Variants in CNOT2 observed in about 807,000 individuals in gnomAD.
CNOT2 encodes the protein CC chemokine receptor 4-negative regulator of transcription 2.
A neutral mutation model predicts 72.1 loss-of-function variants in CNOT2; 7 were observed. The observed-to-expected ratio is 0.10, with a 90% CI of 0.06 to 0.18. CNOT2 has a LOEUF of 0.18. CNOT2 is among the 10% of genes least tolerant of loss of function. CNOT2 has a pLI of 1.00. For missense variants in CNOT2, 345 were observed against 660.3 expected (o/e 0.52, Z 5.23); for synonymous variants, 196 against 225.6 (o/e 0.87, Z 1.17).
chr12:70,278,157 C>T lies in CNOT2; in HGVS notation c.-70C>T. ...AGGGAGACGTGGTGGGCGGTCCTTC[C>T]TGTGACACGACCCTTGAGTGACAGT... On this transcript the variant is annotated 5_prime_UTR_variant, in exon 2 of 16. Transcript: ENST00000229195. 1.7e-6 allele frequency: 2 copies of T among 1,204,542 alleles called. No homozygotes were observed. The highest frequency in any genetic ancestry group is 4.8e-5 in the East Asian group (2 of 41,698). 74.6% of individuals were successfully genotyped at this position (1,204,542 alleles called of 1,614,324 possible).
intron 2 of CNOT2, among the ~76,000 whole-genome samples, chr12:70,308,556 TC>T (rs1555199515): frequency 2.4e-5 from 1 of 41,150 alleles, no homozygotes; most frequent in Non-Finnish European, 5.3e-5. Context: ...TGGTATATTT[TC>T]TCTCTCTCTC....
chr12:70,332,068 G>A (rs1880036049), intron 6 of CNOT2, among the ~76,000 whole-genome samples: 1 of 151,304 alleles, frequency 6.6e-6, no homozygotes, highest in African/African-American at 2.4e-5. Flanking sequence ...ATTTAAAATT[G>A]GGGACACCAT....
chr12:70,338,980 A>C (rs1275255573), intron 11 of CNOT2, among the ~76,000 whole-genome samples, 158 bp downstream of exon 11: 1 of 136,954 alleles, frequency 7.3e-6, no homozygotes, highest in South Asian at 2.3e-4. Context: ...GATCACTGTC[A>C]CTCTGCAGTA....
At chr12:70,306,528 C>T (rs1297470381) in intron 2 of CNOT2, among the ~76,000 whole-genome samples, 8 of 152,198 alleles carry the variant, frequency 5.3e-5, no homozygotes, top group African/African-American at 1.7e-4. Context: ...CTTGATTAAA[C>T]GTTTTAGATC....
intron 14 of CNOT2, 95 bp downstream of exon 14, chr12:70,344,323 C>T (rs1270479719): frequency 2.8e-6 from 2 of 719,014 alleles, no homozygotes; most frequent in Non-Finnish European, 4.8e-6. Context: ...TTAAATGGAA[C>T]TATTTCTCCA....
chr12:70,255,719 CAT>C (rs1310973918), intron 1 of CNOT2, among the ~76,000 whole-genome samples: 4 of 152,112 alleles, frequency 2.6e-5, no homozygotes, highest in Admixed American at 1.3e-4. Context: ...CTTCTAAAAA[CAT>C]ATACTGAAAC....
chr12:70,307,509 G>T (rs957247103), intron 2 of CNOT2, among the ~76,000 whole-genome samples: 6 of 152,048 alleles, frequency 3.9e-5, no homozygotes, highest in African/African-American at 1.4e-4. Flanking sequence ...GACCACCGTT[G>T]TATATATGGT....
chr12:70,341,943 AAC>A, intron 11 of CNOT2, 162 bp from the exon 12 acceptor site: 2 of 634,130 alleles, frequency 3.2e-6, no homozygotes, highest in Admixed American at 5.5e-5. Context: ...CACACACACA[AAC>A]ACACACAGTC....
At chr12:70,304,782 C>A (rs915171921) in intron 2 of CNOT2, among the ~76,000 whole-genome samples, 1 of 152,244 alleles carries the variant, frequency 6.6e-6, no homozygotes, top group Admixed American at 6.5e-5. Context: ...GTGGAGCCTA[C>A]AGAGGCAGGC....
chr12:70,262,745 C>T (rs1209362232), intron 1 of CNOT2, among the ~76,000 whole-genome samples: 3 of 150,526 alleles, frequency 2.0e-5, no homozygotes, highest in African/African-American at 7.4e-5. Flanking sequence ...GTGATCTCGG[C>T]TCACCGCAAC....
chr12:70,317,296 G>A (rs1314272650), intron 3 of CNOT2, among the ~76,000 whole-genome samples: 13 of 152,050 alleles, frequency 8.5e-5, no homozygotes, highest in Admixed American at 5.2e-4. Context: ...GGATACGTGC[G>A]CACAACGTGC....
At chr12:70,335,337 G>C in intron 7 of CNOT2, 101 bp from the exon 8 acceptor site, 1 of 844,466 alleles carries the variant, frequency 1.2e-6, no homozygotes, top group Middle Eastern at 2.4e-4. Flanking sequence ...CATTATTTAG[G>C]AAGAAGGCGC....
chr12:70,344,497 C>CAGAT, intron 14 of CNOT2: 1 of 330,910 alleles, frequency 3.0e-6, no homozygotes, highest in Non-Finnish European at 5.6e-6. Flanking sequence ...GTGAGGTGGA[C>CAGAT]AGATCACTTG....
At chr12:70,276,730 AAG>A (rs1226014239) in intron 1 of CNOT2, among the ~76,000 whole-genome samples, 1 of 151,992 alleles carries the variant, frequency 6.6e-6, no homozygotes, top group Non-Finnish European at 1.5e-5. Flanking sequence ...TTATTTTTGA[AAG>A]AGATATTTAA....
chr12:70,352,772 A>T (rs1171343966), intron 15 of CNOT2, among the ~76,000 whole-genome samples: 2 of 152,192 alleles, frequency 1.3e-5, no homozygotes, highest in Non-Finnish European at 2.9e-5. Context: ...TCTAATATAC[A>T]TAGCTATTCT....
chr12:70,286,050 G>A (rs1392767492), intron 2 of CNOT2, among the ~76,000 whole-genome samples: 1 of 151,720 alleles, frequency 6.6e-6, no homozygotes, highest in Non-Finnish European at 1.5e-5. Context: ...GAAAGAGAAG[G>A]TCCAGATAAA....
chr12:70,302,209 A>G (rs11504258), intron 2 of CNOT2, among the ~76,000 whole-genome samples: 2,036 of 151,736 alleles, frequency 0.013, 44 homozygotes, highest in African/African-American at 0.046. Context: ...TTGTGTCTCT[A>G]TTTCCTTCAG....
intron 4 of CNOT2, chr12:70,322,605 A>G (rs1309171103): frequency 1.3e-5 from 2 of 151,736 alleles, no homozygotes; most frequent in African/African-American, 4.8e-5. Flanking sequence ...CAGAGGACCC[A>G]GGCATCTAGA....
chr12:70,294,546 T>C (rs1872518548), intron 2 of CNOT2, among the ~76,000 whole-genome samples: 1 of 152,184 alleles, frequency 6.6e-6, no homozygotes, highest in African/African-American at 2.4e-5. Flanking sequence ...GGAAGGTTCT[T>C]ACATTTTTTT....
Sources: allele counts gnomAD v4.1 joint callset (sites outside exome capture counted in the v4.1 genomes callset), GRCh38; gene constraint gnomAD v4.1.1; transcripts MANE v1.5; gene names NCBI Gene and HGNC (gene_info 2026-07-23, HGNC 2026-07-21).